XPO6: variants seen among roughly 807,000 people sequenced by gnomAD.
The protein encoded by XPO6 is exportin 6, also known as exportin-6.
A neutral mutation model predicts 130.0 loss-of-function variants in XPO6; 3 were observed. The observed-to-expected ratio is 0.02, with a 90% confidence interval of 0.01 to 0.06. The LOEUF (loss-of-function observed/expected upper bound fraction) is 0.06. Among genes scored for constraint, XPO6 ranks in the 10% least tolerant of loss-of-function variants. XPO6 has a pLI of 1.00. For missense variants in XPO6, 970 were observed against 1,393.0 expected, an observed-to-expected ratio of 0.70 and a Z score of 4.83; for synonymous variants, 524 against 548.9, an observed-to-expected ratio of 0.95 and a Z score of 0.63.
chr16:28,098,323 G>A lies in XPO6; in HGVS notation c.*215C>T, dbSNP rs1042563618. 6 of 504,948 alleles carry A rather than the reference G, an allele frequency of 1.2e-5. No individual in the cohort carries two copies. The highest frequency in any genetic ancestry group is 2.7e-5 in the South Asian group (1 of 36,692). 31.3% of individuals were successfully genotyped at this position (504,948 alleles called of 1,614,324 possible). ...CACACACCCCTCCGCCTGCTCCAACGCCCTGGGAGCACCGTCCAGTGCTCA... is the reference window on the plus strand; with the variant it reads ...CACACACCCCTCCGCCTGCTCCAACACCCTGGGAGCACCGTCCAGTGCTCA... On this transcript the variant is annotated 3_prime_UTR_variant, in exon 24 of 24. Transcript: ENST00000304658.
intron 6 of XPO6, among the ~76,000 whole-genome samples, chr16:28,162,084 A>G (rs2043286724): frequency 6.6e-6 from 1 of 152,260 alleles, no homozygotes; most frequent in African/African-American, 2.4e-5. Context: ...GATTATGCAA[A>G]GGCAAAAACT....
Position 28,111,843 on chromosome 16 carries a change from G to A in XPO6, c.2315C>T (p.Pro772Leu), listed in dbSNP as rs1054512749. 1.9e-6 allele frequency: 3 copies of A among 1,613,998 alleles called. No individual in the cohort carries two copies. The highest frequency in any genetic ancestry group is 1.7e-6 in the Non-Finnish European group (2 of 1,180,024). The change falls in exon 17 of 24, where the codon CCA (proline) becomes CTA (leucine). Residue 772 changes from proline to leucine, a missense_variant. Pro to Leu is a moderately conservative substitution (Grantham distance 98). This residue lies in a region of XPO6 where 936 missense variants were observed against 1,306.8 expected (regional missense o/e 0.72). Coordinates refer to ENST00000304658, the MANE Select transcript of XPO6 (RefSeq NM_015171.4). Reference protein sequence around the residue: ...YRNLKPSAVAPQRKMPLDDTK... With the variant: ...YRNLKPSAVALQRKMPLDDTK... ...GTCATCCAGTGGCATCTTTCTCTGT[G>A]GGGCAACAGCACTGGGCTTCAGGTT...
intron 23 of XPO6, among the ~76,000 whole-genome samples, chr16:28,098,852 T>C (rs1163820154): frequency 6.6e-6 from 1 of 152,122 alleles, no homozygotes; most frequent in Non-Finnish European, 1.5e-5. Flanking sequence ...CCCTAGGGCC[T>C]CTCGGGTGCC....
At chr16:28,209,177 G>A (rs1018730945) in intron 1 of XPO6, 1 of 152,100 alleles carries the variant, frequency 6.6e-6, no homozygotes, top group Non-Finnish European at 1.5e-5. Flanking sequence ...GGGAGAGACT[G>A]AAAAAAGACG....
At chr16:28,131,626 A>G (rs914976779) in intron 12 of XPO6, among the ~76,000 whole-genome samples, 2 of 152,202 alleles carry the variant, frequency 1.3e-5, no homozygotes, top group Admixed American at 1.3e-4. Flanking sequence ...CAACAAAGCC[A>G]TGGGACCCTG....
chr16:28,205,809 G>A (rs935789476), intron 1 of XPO6, among the ~76,000 whole-genome samples: 14 of 151,940 alleles, frequency 9.2e-5, no homozygotes, highest in African/African-American at 2.4e-4. Context: ...AGGCCCAGAC[G>A]GGTGGATCAT....
At chr16:28,133,116 C>T (rs538389540) in intron 11 of XPO6, among the ~76,000 whole-genome samples, 7 of 152,230 alleles carry the variant, frequency 4.6e-5, no homozygotes, top group African/African-American at 1.2e-4. Context: ...GGCGGGCAGA[C>T]GACGAGGTCA....
intron 1 of XPO6, among the ~76,000 whole-genome samples, chr16:28,183,973 A>G (rs1387450990): frequency 6.6e-6 from 1 of 152,250 alleles, no homozygotes; most frequent in East Asian, 1.9e-4. Flanking sequence ...AGGATACTGG[A>G]GAATTCCCTG....
chr16:28,183,525 G>A (rs1339904077), intron 1 of XPO6: 1 of 151,526 alleles, frequency 6.6e-6, no homozygotes, highest in Non-Finnish European at 1.5e-5. Flanking sequence ...GCATTACCAG[G>A]TGTTTCTCAA....
At chr16:28,203,553 A>G (rs1455789643) in intron 1 of XPO6, among the ~76,000 whole-genome samples, 5 of 152,204 alleles carry the variant, frequency 3.3e-5, no homozygotes, top group Non-Finnish European at 7.3e-5. Flanking sequence ...AGAGATAGCC[A>G]CATCCCATAT....
intron 13 of XPO6, among the ~76,000 whole-genome samples, chr16:28,122,292 TATA>T (rs1162883375): frequency 3.3e-5 from 5 of 152,126 alleles, no homozygotes; most frequent in Non-Finnish European, 7.3e-5. Flanking sequence ...ACAATTAATA[TATA>T]ATGTTTTATA....
At chr16:28,146,336 A>C (rs1184988624) in intron 8 of XPO6, 133 bp from the exon 9 acceptor site, 1 of 719,318 alleles carries the variant, frequency 1.4e-6, no homozygotes, top group East Asian at 2.7e-5. Context: ...CCTGGTAACC[A>C]AAACTGGTGG....
intron 6 of XPO6, among the ~76,000 whole-genome samples, chr16:28,159,566 TAAAG>T (rs1366816227): frequency 6.6e-6 from 1 of 152,066 alleles, no homozygotes; most frequent in African/African-American, 2.4e-5. Context: ...TAAATCAAAA[TAAAG>T]AATTAAGGAA....
intron 1 of XPO6, among the ~76,000 whole-genome samples, chr16:28,208,628 G>A (rs1171743602): frequency 1.3e-5 from 2 of 152,250 alleles, no homozygotes; most frequent in East Asian, 3.8e-4. Context: ...TGCACATGGA[G>A]TTCATGAAGC....
intron 13 of XPO6, among the ~76,000 whole-genome samples, chr16:28,122,896 T>C (rs2087280827): frequency 6.6e-6 from 1 of 152,074 alleles, no homozygotes; most frequent in Non-Finnish European, 1.5e-5. Context: ...TGATAAAACT[T>C]TGGAGGAGGC....
intron 2 of XPO6, among the ~76,000 whole-genome samples, chr16:28,180,082 A>C (rs1225007611): frequency 6.6e-6 from 1 of 152,186 alleles, no homozygotes; most frequent in Non-Finnish European, 1.5e-5. Context: ...ATCGAAGACT[A>C]ATGGCCAGGC....
chr16:28,111,740 G>A (rs1416297368), intron 17 of XPO6, 77 bp downstream of exon 17: 2 of 1,536,474 alleles, frequency 1.3e-6, no homozygotes, highest in African/African-American at 2.8e-5. Context: ...GGAGCCTCCG[G>A]GGCAAATCTC....
intron 1 of XPO6, among the ~76,000 whole-genome samples, chr16:28,184,695 C>T (rs2043667669): frequency 6.6e-6 from 1 of 151,566 alleles, no homozygotes. Context: ...AATAAGTGTT[C>T]AGCCTCATTA....
intron 6 of XPO6, among the ~76,000 whole-genome samples, chr16:28,158,694 C>T (rs2043221826): frequency 6.6e-6 from 1 of 152,082 alleles, no homozygotes; most frequent in African/African-American, 2.4e-5. Context: ...TGGACCTGGA[C>T]CAGTAATGTA....
Sources: allele counts gnomAD v4.1 joint callset (sites outside exome capture counted in the v4.1 genomes callset), GRCh38; gene constraint gnomAD v4.1.1; regional missense constraint gnomAD v4.1.1; transcripts MANE v1.5; gene names NCBI Gene and HGNC (gene_info 2026-07-23, HGNC 2026-07-21).